The following CEP131 variants were observed in gnomAD, a reference collection of about 807,000 sequenced individuals.
The protein encoded by CEP131 is centrosomal protein of 131 kDa.
A neutral mutation model predicts 136.8 loss-of-function variants in CEP131; 99 were observed. The ratio of observed to expected loss-of-function variants is 0.72; its 90% confidence interval spans 0.62 to 0.86. CEP131 has a LOEUF of 0.86. Among genes scored for constraint, CEP131 ranks in the 40% least tolerant of loss-of-function variants. The probability of loss-of-function intolerance (pLI) is 0.00; values close to 1 mark genes in which losing one functional copy is unlikely to be tolerated. For missense variants in CEP131, 1,459 were observed against 1,463.0 expected (o/e 1.00, Z 0.04); for synonymous variants, 646 against 612.7 (o/e 1.05, Z -0.80).
rs775549243 is a variant in CEP131 at position 81,189,942 on chromosome 17, G to A, written c.3141C>T (p.Ala1047=). 9.3e-6 allele frequency: 15 copies of A among 1,611,518 alleles called. No homozygotes were observed. The highest frequency in any genetic ancestry group is 2.2e-5 in the South Asian group (2 of 91,010). ...VKTALARKEE[A]VSSLRTQHEA... is the part of the protein sequence containing the mutation. Reference sequence around the variant, plus strand: ...CATGTTGTGTCCGGAGGCTGCTCACGGCCTCCTCCTTCCTCGCGAGGGCTG... The same window carrying A: ...CATGTTGTGTCCGGAGGCTGCTCACAGCCTCCTCCTTCCTCGCGAGGGCTG... Residue 1047 remains alanine, a synonymous_variant, in exon 25 of 26, where the codon GCC becomes GCT. Coordinates refer to ENST00000450824, the MANE Select transcript of CEP131 (RefSeq NM_014984.4).
intron 7 of CEP131, among the ~76,000 whole-genome samples, chr17:81,201,224 G>A (rs144262955): frequency 1.5e-3 from 227 of 152,282 alleles, no homozygotes; most frequent in Admixed American, 4.5e-3. Context: ...AAGGGGTTGC[G>A]GGCTTCTGGT....
intron 16 of CEP131, 107 bp downstream of exon 16, chr17:81,195,728 G>C: frequency 2.0e-6 from 2 of 982,796 alleles, no homozygotes; most frequent in Non-Finnish European, 3.1e-6. Flanking sequence ...GACACACCGA[G>C]ACAGGAATGA....
In CEP131 at chr17:81,206,833, G is replaced by A; in HGVS notation, c.426C>T (p.Ala142=). The change falls in exon 5 of 26, where the codon GCC becomes GCT. Residue 142 remains alanine, a synonymous_variant. Coordinates refer to ENST00000450824, the MANE Select transcript of CEP131 (RefSeq NM_014984.4). Reference sequence around the variant, plus strand: ...GTGAGTCAAGGGCACTGGAACTCCGGGCATTGGATGGCAAGGTGAAGCCCC... The same window carrying A: ...GTGAGTCAAGGGCACTGGAACTCCGAGCATTGGATGGCAAGGTGAAGCCCC... ...QPRGFTLPSN[A]RSSSALDSPA... The A allele has an allele frequency of 3.1e-6, 5 of 1,614,042 alleles. No individual in the cohort carries two copies. The highest frequency in any genetic ancestry group is 4.2e-6 in the Non-Finnish European group (5 of 1,180,034).
chr17:81,214,921 T>C (rs181859525), intron 2 of CEP131, among the ~76,000 whole-genome samples: 2,633 of 151,680 alleles, frequency 0.017, 82 homozygotes, highest in African/African-American at 0.06. Flanking sequence ...TACAGGTGCC[T>C]GCCACCACGC....
At chr17:81,206,976 C>T (rs1459212152) in intron 4 of CEP131, 105 bp from the exon 5 acceptor site, 30 of 1,535,008 alleles carry the variant, frequency 2.0e-5, no homozygotes, top group South Asian at 6.2e-5. Flanking sequence ...CCCATACAGA[C>T]AGGTGGATGT....
rs564209637 is a variant in CEP131 at position 81,203,747 on chromosome 17, T to A, written c.516-140A>T. The A allele has an allele frequency of 9.1e-6, 6 of 658,184 alleles. No homozygotes were observed. Among genetic ancestry groups the A allele is most frequent in the African/African-American group, 1.8e-5 (1 of 55,350 alleles). The allele number at this position is 658,184 out of a possible 1,614,324, so 40.8% of individuals were successfully genotyped here. A position where few individuals can be genotyped will look rare whatever the true frequency, so the allele number is the denominator to read the frequency against. ...ACGTGCTGGCAGCATTGTCGTCCAG[T>A]GTCCCCAGGCCCCTTCCACAGCCTG... On this transcript the variant is annotated intron_variant, in intron 5 of 25. Coordinates refer to ENST00000450824, the MANE Select transcript of CEP131 (RefSeq NM_014984.4). The surrounding 1 kb of genome is among the most constrained non-coding windows in gnomAD (Gnocchi z 4.6).
At position 81,218,972 on chromosome 17, in the gene CEP131, A is replaced by G. The variant is rs377099334; in HGVS notation, c.177+908T>C. Among the ~76,000 whole-genome samples, 41 of 152,336 alleles carry G rather than the reference A, an allele frequency of 2.7e-4. 1 individual carries two copies. In the East Asian group the frequency reaches 3.7e-3, roughly 14 times the overall value. On this transcript the variant is annotated intron_variant, in intron 2 of 25. Coordinates refer to ENST00000450824, the MANE Select transcript of CEP131 (RefSeq NM_014984.4). ...CTGCCGCATGGAAGCCAAGGCCCCCAGGCCCTTGCTATTCGGAAGCTCAGG... is the reference window on the plus strand; with the variant it reads ...CTGCCGCATGGAAGCCAAGGCCCCCGGGCCCTTGCTATTCGGAAGCTCAGG...
At position 81,195,000 on chromosome 17, in the gene CEP131, C is replaced by T. The variant is rs763683244; in HGVS notation, c.2017-28G>A. The T allele has an allele frequency of 5.3e-5, 84 of 1,575,002 alleles. 1 individual carries two copies. The Admixed American group carries it at 1.0e-3, about 19-fold the overall frequency. ...ACGAGCAGAACAGGGCAGGAGGAAACGACACGAAGGACACCCCCGTCCCTT... is the reference window on the plus strand; with the variant it reads ...ACGAGCAGAACAGGGCAGGAGGAAATGACACGAAGGACACCCCCGTCCCTT... On this transcript the variant is annotated intron_variant, in intron 16 of 25. Transcript: ENST00000450824.
At position 81,219,668 on chromosome 17, in the gene CEP131, A is replaced by G. The variant is rs570024894; in HGVS notation, c.177+212T>C. On this transcript the variant is annotated intron_variant, in intron 2 of 25. Coordinates refer to ENST00000450824, the MANE Select transcript of CEP131 (RefSeq NM_014984.4). The surrounding 1 kb of genome is among the most constrained non-coding windows in gnomAD (Gnocchi z 4.0). Reference sequence around the variant, plus strand: ...CAGGAGGCCTGGGGCTGTTGCTGAAAGAATCCAAGCTCTGGCTTGACTTTC... The same window carrying G: ...CAGGAGGCCTGGGGCTGTTGCTGAAGGAATCCAAGCTCTGGCTTGACTTTC... Among the ~76,000 whole-genome samples, 10 of 152,272 alleles carry G rather than the reference A, an allele frequency of 6.6e-5. No homozygotes were observed. Among genetic ancestry groups the G allele is most frequent in the African/African-American group, 1.9e-4 (8 of 41,560 alleles).
chr17:81,209,592 C>T (rs982506175), intron 2 of CEP131, among the ~76,000 whole-genome samples: 1 of 118,070 alleles, frequency 8.5e-6, no homozygotes, highest in Admixed American at 9.3e-5. Context: ...GAAGCGGACG[C>T]TAAGCGAGGA....
At position 81,197,845 on chromosome 17, in the gene CEP131, A is replaced by C; in HGVS notation, c.1514T>G (p.Phe505Cys). ...TTCGGGGAACGCACTGAGTTTTCCA[A>C]ATTTCTCCAAGTTGTCAGCTGTCAG... ...SSLTADNLEK[F>C]GKLSAFPEPP... Residue 505 changes from phenylalanine to cysteine, a missense_variant, in exon 13 of 26, where the codon TTT (phenylalanine) becomes TGT (cysteine). Around this residue, in one of 3 missense-constraint regions of CEP131, gnomAD observed 1,026 missense variants for 964.2 expected, o/e 1.06. Coordinates refer to ENST00000450824, the MANE Select transcript of CEP131 (RefSeq NM_014984.4). 6.2e-7 allele frequency: 1 copy of C among 1,613,104 alleles called. No individual in the cohort carries two copies. The highest frequency in any genetic ancestry group is 8.5e-7 in the Non-Finnish European group (1 of 1,179,882).
chr17:81,216,260 G>A (rs930493080), intron 2 of CEP131, among the ~76,000 whole-genome samples: 1 of 152,134 alleles, frequency 6.6e-6, no homozygotes, highest in Non-Finnish European at 1.5e-5. Flanking sequence ...TTGGGAGGCA[G>A]AGGCAGGAGA....
In CEP131 at chr17:81,200,271, G is replaced by A. The variant is rs2061860516; in HGVS notation, c.906+58C>T. The A allele has an allele frequency of 5.1e-6, 7 of 1,364,486 alleles. No homozygotes were observed. In the Admixed American group the frequency reaches 1.0e-4, roughly 20 times the overall value. The allele number at this position is 1,364,486 out of a possible 1,614,324, so 84.5% of individuals were successfully genotyped here. A position where few individuals can be genotyped will look rare whatever the true frequency, so the allele number is the denominator to read the frequency against. ...ACCTGTCCCAGAAACTCAAACCCCTGGGATTCTGGGCCAGACCCCCCGGGG... is the reference window on the plus strand; with the variant it reads ...ACCTGTCCCAGAAACTCAAACCCCTAGGATTCTGGGCCAGACCCCCCGGGG... On this transcript the variant is annotated intron_variant, in intron 8 of 25. Transcript: ENST00000450824.
Position 81,220,075 on chromosome 17 carries a change from T to TG in CEP131, c.-17-3dup. Reference sequence around the variant, plus strand: ...CTTTCATGGTGGACAAGGCAGGTCCTGAGCGGGGAAGCAAGAGCTGCAATG... The same window carrying TG: ...CTTTCATGGTGGACAAGGCAGGTCCTGGAGCGGGGAAGCAAGAGCTGCAATG... On this transcript the variant is annotated splice_region_variant and splice_polypyrimidine_tract_variant and intron_variant, in intron 1 of 25. Coordinates refer to ENST00000450824, the MANE Select transcript of CEP131 (RefSeq NM_014984.4). 1 of 1,520,218 alleles carries TG rather than the reference T, an allele frequency of 6.6e-7. No individual in the cohort carries two copies. Among genetic ancestry groups the TG allele is most frequent in the East Asian group, 2.5e-5 (1 of 40,716 alleles). 94.2% of individuals were successfully genotyped at this position (1,520,218 alleles called of 1,614,324 possible).
intron 1 of CEP131, among the ~76,000 whole-genome samples, chr17:81,221,684 C>G (rs1343721659): frequency 6.6e-6 from 1 of 152,204 alleles, no homozygotes; most frequent in Non-Finnish European, 1.5e-5. Flanking sequence ...CACTCCCCAT[C>G]CGGCTCGGAC....
chr17:81,199,547 C>T lies in CEP131; in HGVS notation c.1026G>A (p.Glu342=). The change falls in exon 10 of 26, where the codon GAG becomes GAA. Residue 342 remains glutamate (E), a splice_region_variant and synonymous_variant. Coordinates refer to ENST00000450824, the MANE Select transcript of CEP131 (RefSeq NM_014984.4). The part of the protein sequence containing the change: ...ARQARRAAIQ[E]LQQKRALRAQ... ...CTCTCAGGGCTCGTTTCTGTTGCAGCTCCTGCAGTGGGAGCATCGCTGAGC... is the reference window on the plus strand; with the variant it reads ...CTCTCAGGGCTCGTTTCTGTTGCAGTTCCTGCAGTGGGAGCATCGCTGAGC... 3 of 1,604,790 alleles carry T rather than the reference C, an allele frequency of 1.9e-6. No individual in the cohort carries two copies. The highest frequency in any genetic ancestry group is 1.1e-5 in the South Asian group (1 of 89,874).
chr17:81,196,363 A>T (rs540897020), intron 15 of CEP131, among the ~76,000 whole-genome samples: 43 of 152,298 alleles, frequency 2.8e-4, no homozygotes, highest in Admixed American at 7.2e-4. Flanking sequence ...TGTGACAACT[A>T]TCAAGCAGCC....
At chr17:81,197,913 G>A (rs1173021797) in intron 12 of CEP131, 25 bp from the exon 13 acceptor site, 2 of 1,601,770 alleles carry the variant, frequency 1.2e-6, no homozygotes, top group Admixed American at 3.4e-5. Flanking sequence ...CCCAGCATCG[G>A]GGGCTGTCAG....
At chr17:81,214,842 G>A (rs891920869) in intron 2 of CEP131, among the ~76,000 whole-genome samples, 6 of 151,598 alleles carry the variant, frequency 4.0e-5, no homozygotes, top group African/African-American at 1.2e-4. Flanking sequence ...GCGCGATCTC[G>A]GCTCACTGCA....
Sources: allele counts gnomAD v4.1 joint callset (sites outside exome capture counted in the v4.1 genomes callset), GRCh38; gene constraint gnomAD v4.1.1; regional missense constraint gnomAD v4.1.1; non-coding constraint Gnocchi (gnomAD v3.1); transcripts MANE v1.5; gene names NCBI Gene and HGNC (gene_info 2026-07-23, HGNC 2026-07-21).